The following CRACDL variants were observed in gnomAD, a reference collection of about 807,000 sequenced individuals.
The protein encoded by CRACDL is CRACD like.
In CRACDL, 26 loss-of-function variants were observed where a neutral mutation model predicts 70.6. The ratio of observed to expected loss-of-function variants is 0.37; its 90% CI spans 0.27 to 0.51. The LOEUF is 0.51. Ranked by LOEUF, CRACDL falls within the 20% of genes least tolerant of loss-of-function variation. CRACDL has a pLI of 0.94. For synonymous variants in CRACDL, 618 were observed against 615.2 expected, an observed-to-expected ratio of 1.00 and a Z score of -0.07; for missense variants, 1,283 against 1,376.9, an observed-to-expected ratio of 0.93 and a Z score of 1.08.
At chr2:98,915,454 G>A (rs796127659) in intron 1 of CRACDL, among the ~76,000 whole-genome samples, 50 of 152,230 alleles carry the variant, frequency 3.3e-4, no homozygotes, top group African/African-American at 8.4e-4. Flanking sequence ...AGGGATGCCC[G>A]GGGACTGGTG....
rs372186764 is a variant in CRACDL, at chr2:98,894,775, C to T, written c.-11+41163G>A. Among the ~76,000 whole-genome samples, 8 of 152,162 alleles carry T rather than the reference C, an allele frequency of 5.3e-5. No homozygotes were observed. The East Asian group carries it at 1.2e-3, about 22-fold the overall frequency. On this transcript the variant is annotated intron_variant, in intron 1 of 9. Transcript: ENST00000397899. Reference sequence around the variant, plus strand: ...TCCCTAAGCAGAATGTAAGCAAATCCGAAGACAGTGACCTGCACCTAGATG... The same window carrying T: ...TCCCTAAGCAGAATGTAAGCAAATCTGAAGACAGTGACCTGCACCTAGATG...
intron 1 of CRACDL, among the ~76,000 whole-genome samples, chr2:98,920,057 A>T (rs112207502): frequency 3.0e-4 from 46 of 152,250 alleles, no homozygotes; most frequent in African/African-American, 1.1e-3. Context: ...CCTGGCCTAC[A>T]ATACGTTTTT....
At chr2:98,850,658 C>T (rs1201053500) in intron 1 of CRACDL, among the ~76,000 whole-genome samples, 3 of 152,182 alleles carry the variant, frequency 2.0e-5, no homozygotes, top group Admixed American at 6.5e-5. Context: ...AAATCTGGAC[C>T]GCCAGGGCCT....
At chr2:98,910,453 G>A (rs535184254) in intron 1 of CRACDL, among the ~76,000 whole-genome samples, 7 of 151,926 alleles carry the variant, frequency 4.6e-5, no homozygotes, top group Non-Finnish European at 8.8e-5. Context: ...CCTGGGAGGT[G>A]GAGGTTGCAG....
chr2:98,846,434 T>C (rs1706254844), intron 2 of CRACDL, among the ~76,000 whole-genome samples: 1 of 152,208 alleles, frequency 6.6e-6, no homozygotes, highest in Non-Finnish European at 1.5e-5. Flanking sequence ...TAGTACCTCT[T>C]CCTTTGCATT....
At chr2:98,840,180 T>G (rs1345716506) in intron 2 of CRACDL, among the ~76,000 whole-genome samples, 1 of 152,234 alleles carries the variant, frequency 6.6e-6, no homozygotes, top group African/African-American at 2.4e-5. Flanking sequence ...TAGCTGCATC[T>G]ACGTGTTTTA....
intron 3 of CRACDL, among the ~76,000 whole-genome samples, chr2:98,833,641 C>A (rs113965204): frequency 3.9e-5 from 6 of 152,240 alleles, no homozygotes; most frequent in African/African-American, 1.4e-4. Flanking sequence ...CTTTCCTCAG[C>A]TCTGAACTCA....
rs78610551 is a variant in CRACDL, at chr2:98,935,263, G to A, written c.-11+675C>T. ...CTGTCAACAGGACCTGATGCCTGCA[G>A]GCGGTTTGCACCTACACGGAGTCAA... is the stretch of plus-strand genomic sequence containing the variant. On this transcript the variant is annotated intron_variant, in intron 1 of 9. Transcript: ENST00000397899. 3.2e-3 allele frequency among the ~76,000 whole-genome samples: 484 copies of A among 152,254 alleles called. 17 individuals are homozygous for A. In the East Asian group the frequency reaches 0.068, roughly 21 times the overall value.
At chr2:98,878,182 G>C (rs1707539407) in intron 1 of CRACDL, among the ~76,000 whole-genome samples, 1 of 152,032 alleles carries the variant, frequency 6.6e-6, no homozygotes, top group Non-Finnish European at 1.5e-5. Context: ...CCTGACCTTG[G>C]GTGATCCACC....
intron 1 of CRACDL, among the ~76,000 whole-genome samples, chr2:98,874,409 T>C (rs895742776): frequency 6.6e-6 from 1 of 151,898 alleles, no homozygotes; most frequent in Non-Finnish European, 1.5e-5. Flanking sequence ...AACACCAGAG[T>C]GAAACCTGAG....
intron 1 of CRACDL, among the ~76,000 whole-genome samples, chr2:98,900,986 G>A (rs1365701762): frequency 6.6e-6 from 1 of 152,242 alleles, no homozygotes; most frequent in African/African-American, 2.4e-5. Flanking sequence ...AGAGGAAGGA[G>A]CGCTGAGCCC....
chr2:98,833,344 G>A (rs1159722630), intron 3 of CRACDL, among the ~76,000 whole-genome samples: 3 of 152,240 alleles, frequency 2.0e-5, no homozygotes, highest in Non-Finnish European at 4.4e-5. Flanking sequence ...GGCCTGTCCC[G>A]GCTGCCCCAG....
chr2:98,924,776 T>C (rs1708875273), intron 1 of CRACDL, among the ~76,000 whole-genome samples: 1 of 152,236 alleles, frequency 6.6e-6, no homozygotes, highest in Non-Finnish European at 1.5e-5. Flanking sequence ...GCAGGTCTTA[T>C]TCCATTTTAA....
intron 1 of CRACDL, among the ~76,000 whole-genome samples, chr2:98,857,721 G>T (rs1327348670): frequency 6.6e-6 from 1 of 152,144 alleles, no homozygotes; most frequent in Non-Finnish European, 1.5e-5. Flanking sequence ...GACATTAAAT[G>T]CAAATGGTTT....
At chr2:98,905,078 G>A (rs1040197655) in intron 1 of CRACDL, among the ~76,000 whole-genome samples, 3 of 151,814 alleles carry the variant, frequency 2.0e-5, no homozygotes, top group Admixed American at 6.6e-5. Context: ...GTGAAACCCC[G>A]TCTCTACTAA....
intron 6 of CRACDL, among the ~76,000 whole-genome samples, chr2:98,825,569 C>T (rs764062033): frequency 1.1e-4 from 17 of 152,232 alleles, no homozygotes; most frequent in South Asian, 2.1e-4. Context: ...AAGACATCCC[C>T]GTGGGATTCA....
chr2:98,925,354 C>G (rs1708887773), intron 1 of CRACDL, among the ~76,000 whole-genome samples: 1 of 152,220 alleles, frequency 6.6e-6, no homozygotes, highest in Admixed American at 6.5e-5. Flanking sequence ...ACACTGTTTC[C>G]AAGTTCTCGG....
intron 9 of CRACDL, among the ~76,000 whole-genome samples, chr2:98,795,077 A>ATATTTTTTTTTTTTTTTTTT: frequency 3.4e-4 from 20 of 58,488 alleles, no homozygotes; most frequent in South Asian, 9.7e-4. Context: ...ATATATATAT[A>ATATTTTTTTTTTTTTTTTTT]TTTTTTTTTT....
chr2:98,811,285 G>C (rs1704545387), intron 7 of CRACDL, among the ~76,000 whole-genome samples: 2 of 151,846 alleles, frequency 1.3e-5, no homozygotes, highest in Admixed American at 1.3e-4. Context: ...GCTGAGGTGG[G>C]CGGATCACGA....
Sources: gnomAD v4.1 joint callset for allele counts (sites outside exome capture counted in the v4.1 genomes callset) on GRCh38, gnomAD v4.1.1 for gene constraint, MANE v1.5 for transcripts, NCBI Gene and HGNC (gene_info 2026-07-23, HGNC 2026-07-21) for gene names.